Variants in XKR6 observed in about 807,000 individuals in gnomAD.
XKR6 encodes XK-related protein 6.
Under a neutral mutation model 56.7 loss-of-function variants are expected in XKR6, and 22 were observed. That is an observed-to-expected ratio of 0.39 (90% confidence interval 0.28 to 0.55). The LOEUF is 0.55. XKR6 is among the 20% of genes least tolerant of loss of function. XKR6 has a pLI of 0.66. For missense variants in XKR6, 852 were observed against 889.0 expected (o/e 0.96, Z 0.53); for synonymous variants, 524 against 387.8 (o/e 1.35, Z -4.13).
intron 1 of XKR6, among the ~76,000 whole-genome samples, chr8:10,983,118 A>T (rs1797772803): frequency 6.6e-6 from 1 of 152,242 alleles, no homozygotes; most frequent in African/African-American, 2.4e-5. Context: ...AGAAAAAAAT[A>T]ATGCAACAAG....
At chr8:10,978,757 C>G (rs962593550) in intron 1 of XKR6, among the ~76,000 whole-genome samples, 4 of 152,240 alleles carry the variant, frequency 2.6e-5, no homozygotes, top group South Asian at 2.1e-4. Flanking sequence ...GTCTCCCTCC[C>G]TGGCCAGGGG....
intron 2 of XKR6, among the ~76,000 whole-genome samples, chr8:10,914,745 C>CACAGAAGA (rs71538098): frequency 0.46 from 69,657 of 151,844 alleles, 16,950 homozygotes; most frequent in African/African-American, 0.55. Context: ...GGGGAAATCT[C>CACAGAAGA]ACAGCTCCCT....
chr8:11,018,419 C>A (rs1008580530), intron 1 of XKR6, among the ~76,000 whole-genome samples: 2 of 152,156 alleles, frequency 1.3e-5, no homozygotes, highest in African/African-American at 4.8e-5. Context: ...AGGAAGGGAG[C>A]GATGGCAAGA....
chr8:11,000,193 T>C (rs1354456215), intron 1 of XKR6, among the ~76,000 whole-genome samples: 3 of 152,116 alleles, frequency 2.0e-5, no homozygotes, highest in African/African-American at 7.2e-5. Context: ...GTCTTCCTTC[T>C]ACTCATTCTA....
intron 1 of XKR6, among the ~76,000 whole-genome samples, chr8:11,007,737 G>A (rs1040310077): frequency 6.6e-6 from 1 of 152,182 alleles, no homozygotes; most frequent in Non-Finnish European, 1.5e-5. Flanking sequence ...GTAAGGGTTG[G>A]GGGTGGAGGA....
At chr8:11,113,561 T>C (rs1799010069) in intron 1 of XKR6, among the ~76,000 whole-genome samples, 2 of 152,208 alleles carry the variant, frequency 1.3e-5, no homozygotes, top group African/African-American at 4.8e-5. Flanking sequence ...ACATTACAAT[T>C]CTTTAACATA....
intron 1 of XKR6, among the ~76,000 whole-genome samples, chr8:11,178,547 A>ATATATATATATATATGTATAT (rs1802779230): frequency 1.5e-4 from 13 of 88,490 alleles, no homozygotes; most frequent in Middle Eastern, 6.0e-3. Context: ...GAGAGGTAAA[A>ATATATATATATATATGTATAT]ATATATATAT....
intron 1 of XKR6, among the ~76,000 whole-genome samples, chr8:11,180,347 C>A (rs1292788142): frequency 6.6e-6 from 1 of 152,104 alleles, no homozygotes; most frequent in Non-Finnish European, 1.5e-5. Context: ...AACCATGGCA[C>A]AAGGAATGTT....
At chr8:10,972,429 G>A (rs1314901922) in intron 1 of XKR6, among the ~76,000 whole-genome samples, 1 of 152,182 alleles carries the variant, frequency 6.6e-6, no homozygotes, top group Non-Finnish European at 1.5e-5. Context: ...GTATGGTCTT[G>A]GGATGAGTCA....
intron 1 of XKR6, among the ~76,000 whole-genome samples, chr8:10,980,699 C>T (rs1278841483): frequency 6.6e-6 from 1 of 152,158 alleles, no homozygotes; most frequent in African/African-American, 2.4e-5. Flanking sequence ...TATTGACCTA[C>T]CCAAGTTGTA....
At chr8:10,924,504 C>G (rs969102993) in intron 2 of XKR6, 130 bp downstream of exon 2, 1 of 1,093,378 alleles carries the variant, frequency 9.1e-7, no homozygotes, top group Non-Finnish European at 1.3e-6. Flanking sequence ...GGGGGCCGGG[C>G]GTCCTGGGGA....
intron 1 of XKR6, among the ~76,000 whole-genome samples, chr8:11,033,715 G>A (rs979207498): frequency 2.6e-5 from 4 of 152,084 alleles, no homozygotes; most frequent in African/African-American, 9.7e-5. Flanking sequence ...CGCTCAAAGG[G>A]TAGTCTGAGA....
Position 11,165,972 on chromosome 8 carries a change from T to G in XKR6, c.764+34604A>C, listed in dbSNP as rs569605860. 6.5e-3 allele frequency among the ~76,000 whole-genome samples: 967 copies of G among 147,874 alleles called. 10 individuals carry two copies. The highest frequency in any genetic ancestry group is 0.023 in the African/African-American group (910 of 38,780). ...ATAGTTTTTTGGGTTTTTTTTTTTT[T>G]TGAGATGGAGTCTCACTCTGTCACC... On this transcript the variant is annotated intron_variant, in intron 1 of 2. Transcript: ENST00000416569.
intron 1 of XKR6, among the ~76,000 whole-genome samples, chr8:11,166,480 T>C (rs1306681474): frequency 9.9e-5 from 15 of 152,234 alleles, no homozygotes; most frequent in Admixed American, 9.2e-4. Context: ...GATTTTGTTA[T>C]AGCAGCCGTG....
rs1191354220 is a variant in XKR6 at position 11,165,089 on chromosome 8, C to CT, written c.764+35486_764+35487insA. On this transcript the variant is annotated intron_variant, in intron 1 of 2. Transcript: ENST00000416569. ...AACACAACCATTCCCTAGGCTATCA[C>CT]CTTTTTTTTTTTTTTTTTTTTTTTT... Among the ~76,000 whole-genome samples, 3 of 104,258 alleles carry CT rather than the reference C, an allele frequency of 2.9e-5. No individual in the cohort carries two copies. The East Asian group carries it at 6.3e-4, about 22-fold the overall frequency. 68.4% of individuals were successfully genotyped at this position (104,258 alleles called of 152,430 possible).
chr8:11,142,265 T>C (rs1287400043), intron 1 of XKR6, among the ~76,000 whole-genome samples: 1 of 152,160 alleles, frequency 6.6e-6, no homozygotes, highest in African/African-American at 2.4e-5. Context: ...AAATGGCTGA[T>C]TCTAGGCCTG....
At position 10,965,446 on chromosome 8, in the gene XKR6, T is replaced by C. The variant is rs1335983212; in HGVS notation, c.765-40616A>G. On this transcript the variant is annotated intron_variant, in intron 1 of 2. Transcript: ENST00000416569. ...GTCTGCCTGGTTTGCTGCTGACTGC[T>C]GCACCTAGCATGGCACCTCGTGCGC... Among the ~76,000 whole-genome samples the C allele has an allele frequency of 2.0e-5, 3 of 152,364 alleles. No homozygotes were observed. In the East Asian group the frequency reaches 5.8e-4, roughly 29 times the overall value.
intron 1 of XKR6, among the ~76,000 whole-genome samples, chr8:10,999,754 G>A (rs116089672): frequency 0.035 from 5,266 of 152,266 alleles, 302 homozygotes; most frequent in African/African-American, 0.12. Flanking sequence ...ATCAGGAAAT[G>A]AGCCTTATTC....
chr8:11,132,918 G>C (rs929483056), intron 1 of XKR6, among the ~76,000 whole-genome samples: 3 of 149,672 alleles, frequency 2.0e-5, no homozygotes, highest in African/African-American at 7.4e-5. Context: ...AAAGACAAAA[G>C]TTGCTTTTCA....
Sources: allele counts gnomAD v4.1 joint callset (sites outside exome capture counted in the v4.1 genomes callset), GRCh38; gene constraint gnomAD v4.1.1; transcripts MANE v1.5; gene names NCBI Gene and HGNC (gene_info 2026-07-23, HGNC 2026-07-21).